The following GRIK4 variants were observed in gnomAD, a reference collection of about 807,000 sequenced individuals.
The protein encoded by GRIK4 is glutamate ionotropic receptor kainate type subunit 4, also known as glutamate receptor ionotropic, kainate 4.
GRIK4 carries 40 observed loss-of-function variants against 104.9 expected under a neutral mutation model. That is an observed-to-expected ratio of 0.38 (90% CI 0.30 to 0.50). The LOEUF (loss-of-function observed/expected upper bound fraction) is 0.50. Ranked by LOEUF, GRIK4 falls within the 20% of genes least tolerant of loss-of-function variation. The probability of loss-of-function intolerance (pLI) is 0.93; values close to 1 mark genes in which losing one functional copy is unlikely to be tolerated. For missense variants in GRIK4, 1,047 were observed against 1,308.1 expected (o/e 0.80, Z 3.08); for synonymous variants, 485 against 524.9 (o/e 0.92, Z 1.04).
At chr11:120,834,165 T>G (rs1384155274) in intron 7 of GRIK4, among the ~76,000 whole-genome samples, 12 of 152,198 alleles carry the variant, frequency 7.9e-5, no homozygotes, top group Admixed American at 7.9e-4. Flanking sequence ...AGATTGCATT[T>G]TAGAAAGGCT....
intron 14 of GRIK4, among the ~76,000 whole-genome samples, chr11:120,943,964 G>C (rs146799344): frequency 6.6e-6 from 1 of 152,266 alleles, no homozygotes; most frequent in East Asian, 1.9e-4. Context: ...TTGATTGTGG[G>C]ATATTTACCT....
At chr11:120,839,810 T>C (rs73003760) in intron 8 of GRIK4, among the ~76,000 whole-genome samples, 29,368 of 152,152 alleles carry the variant, frequency 0.19, 2,937 homozygotes, top group Middle Eastern at 0.24. Flanking sequence ...CTGTAATAAA[T>C]GAATTAGGTT....
chr11:120,613,961 A>G (rs139004085), intron 1 of GRIK4, among the ~76,000 whole-genome samples: 41 of 152,332 alleles, frequency 2.7e-4, no homozygotes, highest in Non-Finnish European at 2.6e-4. Flanking sequence ...TGACTCAGCA[A>G]TGGGCAATCT....
At chr11:120,871,614 C>G (rs1397190796) in intron 9 of GRIK4, 1 of 456,112 alleles carries the variant, frequency 2.2e-6, no homozygotes, top group Non-Finnish European at 4.4e-6. Context: ...AAGGGACAGA[C>G]AGGAAGGGAG....
intron 1 of GRIK4, among the ~76,000 whole-genome samples, chr11:120,572,211 C>A (rs1285163073): frequency 6.6e-6 from 1 of 152,120 alleles, no homozygotes; most frequent in African/African-American, 2.4e-5. Flanking sequence ...GAGGGCTCCA[C>A]CCTCCTGATC....
At chr11:120,631,954 TC>T (rs1320520094) in intron 1 of GRIK4, among the ~76,000 whole-genome samples, 2 of 152,138 alleles carry the variant, frequency 1.3e-5, no homozygotes, top group African/African-American at 4.8e-5. Flanking sequence ...TCCAGCATGA[TC>T]ATATACTGTT....
intron 3 of GRIK4, among the ~76,000 whole-genome samples, chr11:120,797,501 CT>C (rs1952543242): frequency 6.6e-6 from 1 of 152,240 alleles, no homozygotes; most frequent in East Asian, 1.9e-4. Flanking sequence ...TGAGCACATG[CT>C]TCTCTGGTGT....
chr11:120,818,288 T>C (rs1418749855), intron 5 of GRIK4, among the ~76,000 whole-genome samples: 3 of 152,256 alleles, frequency 2.0e-5, no homozygotes, highest in Admixed American at 2.0e-4. Context: ...CCAGCCAGGC[T>C]ACCCTGCCCC....
At position 120,987,643 on chromosome 11, in the gene GRIK4, G is replaced by A. The variant is rs750802120; in HGVS notation, c.*1383G>A. 1 of 152,174 alleles carries A rather than the reference G, an allele frequency of 6.6e-6. No homozygotes were observed. The highest frequency in any genetic ancestry group is 2.4e-5 in the African/African-American group (1 of 41,430). 9.4% of individuals were successfully genotyped at this position (152,174 alleles called of 1,614,324 possible). The stretch of plus-strand genomic sequence containing the variant: ...CCCACCTTGTATGACTTTAGGTAAA[G>A]CATTTAACTTCTCTTCCATCTACCA... On this transcript the variant is annotated 3_prime_UTR_variant, in exon 21 of 21. Coordinates refer to ENST00000527524, the MANE Select transcript of GRIK4 (RefSeq NM_014619.5).
chr11:120,627,851 A>G (rs1432231791), intron 1 of GRIK4, among the ~76,000 whole-genome samples: 1 of 152,228 alleles, frequency 6.6e-6, no homozygotes, highest in Non-Finnish European at 1.5e-5. Context: ...TCAAGTCATA[A>G]CATATTTCCT....
At chr11:120,898,111 TC>T (rs955698080) in intron 11 of GRIK4, among the ~76,000 whole-genome samples, 2 of 152,152 alleles carry the variant, frequency 1.3e-5, no homozygotes, top group African/African-American at 4.8e-5. Context: ...AGGGCATAGT[TC>T]TCTCCAGTAT....
rs949045367 is a variant in GRIK4, at chr11:120,962,739, C to T, written c.2266+58C>T. The T allele has an allele frequency of 1.3e-5, 15 of 1,129,134 alleles. No individual in the cohort carries two copies. In the African/African-American group the frequency reaches 2.1e-4, roughly 16 times the overall value. The allele number at this position is 1,129,134 out of a possible 1,614,324, so 69.9% of individuals were successfully genotyped here. A position where few individuals can be genotyped will look rare whatever the true frequency, so the allele number is the denominator to read the frequency against. ...CTTTGTCCAGACAGGGTCAGGGTAG[C>T]TCAAACCACTGAATACAGCATTGAA... On this transcript the variant is annotated intron_variant, in intron 18 of 20. Coordinates refer to ENST00000527524, the MANE Select transcript of GRIK4 (RefSeq NM_014619.5).
chr11:120,938,633 T>G (rs554760930), intron 13 of GRIK4, among the ~76,000 whole-genome samples: 1 of 152,368 alleles, frequency 6.6e-6, no homozygotes, highest in East Asian at 1.9e-4. Flanking sequence ...CTTTGCAGTG[T>G]TTGTACGTAG....
At chr11:120,772,646 C>CGT (rs1235349890) in intron 3 of GRIK4, among the ~76,000 whole-genome samples, 1 of 151,474 alleles carries the variant, frequency 6.6e-6, no homozygotes, top group African/African-American at 2.4e-5. Flanking sequence ...TATGTGCGCG[C>CGT]GTGTGTGTGT....
rs572683768 is a variant in GRIK4, at chr11:120,611,783, C to T, written c.-158-41902C>T. Among the ~76,000 whole-genome samples, 191 of 152,322 alleles carry T rather than the reference C, an allele frequency of 1.3e-3. 1 individual carries two copies. The highest frequency in any genetic ancestry group is 3.3e-3 in the Admixed American group (50 of 15,312). On this transcript the variant is annotated intron_variant, in intron 1 of 20. Coordinates refer to ENST00000527524, the MANE Select transcript of GRIK4 (RefSeq NM_014619.5). ...GGAGACTGTGCCTCCTCCCTTCCCC[C>T]GCAGCATCAGTGTTCCTGAAATGTT...
intron 3 of GRIK4, among the ~76,000 whole-genome samples, chr11:120,728,204 G>T (rs1313557413): frequency 6.6e-6 from 1 of 152,078 alleles, no homozygotes; most frequent in African/African-American, 2.4e-5. Context: ...GAAAGAAAAT[G>T]ACATTGTCAT....
chr11:120,675,854 C>T (rs1950091843), intron 3 of GRIK4, among the ~76,000 whole-genome samples: 1 of 152,142 alleles, frequency 6.6e-6, no homozygotes, highest in Non-Finnish European at 1.5e-5. Context: ...GATAGTTCTA[C>T]CATAATTATT....
chr11:120,644,050 A>T (rs368298611), intron 1 of GRIK4, among the ~76,000 whole-genome samples: 182 of 78,234 alleles, frequency 2.3e-3, no homozygotes, highest in East Asian at 4.0e-3. Context: ...TGTGTGAGAG[A>T]GAGAGAGAGG....
Position 120,986,252 on chromosome 11 carries a change from C to G in GRIK4, c.2863C>G (p.Pro955Ala). 1 of 1,563,106 alleles carries G rather than the reference C, an allele frequency of 6.4e-7. No individual in the cohort carries two copies. Among genetic ancestry groups the G allele is most frequent in the Non-Finnish European group, 8.6e-7 (1 of 1,164,394 alleles). ...GGAGAAAACCACCAACAGCAGCGAG[C>G]CCGAGTAGTCCCGGAGGCCACAGGA... Reference protein sequence around the residue: ...EWEKTTNSSEPE With the variant: ...EWEKTTNSSEAE The change falls in exon 21 of 21, where the codon CCC (proline) becomes GCC (alanine). Residue 955 changes from proline to alanine, a missense_variant. This residue lies in a region of GRIK4 where 160 missense variants were observed against 140.9 expected (regional missense o/e 1.14). Coordinates refer to ENST00000527524, the MANE Select transcript of GRIK4 (RefSeq NM_014619.5).
Sources: gnomAD v4.1 joint callset for allele counts (sites outside exome capture counted in the v4.1 genomes callset) on GRCh38, gnomAD v4.1.1 for gene constraint, gnomAD v4.1.1 regional missense constraint, MANE v1.5 for transcripts, NCBI Gene and HGNC (gene_info 2026-07-23, HGNC 2026-07-21) for gene names.